SLC16A5: variants seen among roughly 807,000 people sequenced by gnomAD.
The protein encoded by SLC16A5 is monocarboxylate transporter 6.
Under a neutral mutation model 33.2 loss-of-function variants are expected in SLC16A5, and 29 were observed. The ratio of observed to expected loss-of-function variants is 0.87; its 90% CI spans 0.65 to 1.19. The LOEUF (loss-of-function observed/expected upper bound fraction) is 1.19. Ranked by LOEUF, SLC16A5 falls within the 50% of genes most tolerant of loss-of-function variation. SLC16A5 has a pLI of 0.00. For synonymous variants in SLC16A5, 248 were observed against 284.1 expected, an observed-to-expected ratio of 0.87 and a Z score of 1.28; for missense variants, 606 against 678.2, an observed-to-expected ratio of 0.89 and a Z score of 1.18.
At chr17:75,089,683 GGCAGAGATT>G (rs1057360126) in intron 2 of SLC16A5, among the ~76,000 whole-genome samples, 3 of 151,220 alleles carry the variant, frequency 2.0e-5, no homozygotes, top group African/African-American at 7.3e-5. Context: ...GAACCCGGGA[GGCAGAGATT>G]GCAGTGAGCT....
At chr17:75,093,550 G>T (rs1031187202) in intron 2 of SLC16A5, 39 bp from the exon 3 acceptor site, 5 of 1,545,304 alleles carry the variant, frequency 3.2e-6, no homozygotes, top group Admixed American at 1.9e-5. Context: ...GAGACGGACA[G>T]CCTGCTGACC....
Position 75,093,625 on chromosome 17 carries a change from C to T in SLC16A5, c.-12C>T, listed in dbSNP as rs371527963. On this transcript the variant is annotated 5_prime_UTR_variant, in exon 3 of 7. Coordinates refer to ENST00000329783, the MANE Select transcript of SLC16A5 (RefSeq NM_004695.4). ...ATTGGCAGTGAGGCCGTGGCAGCGT[C>T]GGCAGCAGAGGATGCCCCAGGCCCT... 2.9e-5 allele frequency: 47 copies of T among 1,604,558 alleles called. No individual in the cohort carries two copies. The highest frequency in any genetic ancestry group is 4.0e-5 in the African/African-American group (3 of 74,870).
intron 3 of SLC16A5, among the ~76,000 whole-genome samples, chr17:75,097,635 A>G (rs759764670): frequency 5.9e-5 from 9 of 152,070 alleles, no homozygotes; most frequent in Non-Finnish European, 1.3e-4. Context: ...ACTGTAGTCT[A>G]GATGTCCTGG....
intron 2 of SLC16A5, among the ~76,000 whole-genome samples, chr17:75,091,291 CT>C (rs1481053681): frequency 1.3e-5 from 2 of 152,234 alleles, no homozygotes; most frequent in East Asian, 3.8e-4. Context: ...CGCCTGTGGC[CT>C]TTCCGTTTGC....
At chr17:75,092,305 T>G (rs1414488861) in intron 2 of SLC16A5, among the ~76,000 whole-genome samples, 1 of 151,984 alleles carries the variant, frequency 6.6e-6, no homozygotes, top group Admixed American at 6.6e-5. Context: ...GTGTAGTATG[T>G]GTCTGTCAGT....
chr17:75,093,125 A>G lies in SLC16A5; in HGVS notation c.-48-464A>G, dbSNP rs1598146311. 1.3e-5 allele frequency among the ~76,000 whole-genome samples: 2 copies of G among 152,050 alleles called. 1 individual carries two copies. Among genetic ancestry groups the G allele is most frequent in the Admixed American group, 1.3e-4 (2 of 15,256 alleles). Reference sequence around the variant, plus strand: ...TTTGCTGCTTCTGAGGCATTGCGAAAGTCTGTGTTTGTATGCAGGAACCCT... The same window carrying G: ...TTTGCTGCTTCTGAGGCATTGCGAAGGTCTGTGTTTGTATGCAGGAACCCT... On this transcript the variant is annotated intron_variant, in intron 2 of 6. Coordinates refer to ENST00000329783, the MANE Select transcript of SLC16A5 (RefSeq NM_004695.4).
intron 2 of SLC16A5, among the ~76,000 whole-genome samples, chr17:75,092,538 G>A (rs1247911019): frequency 6.6e-6 from 1 of 152,030 alleles, no homozygotes; most frequent in Non-Finnish European, 1.5e-5. Context: ...CGTTGGCCAG[G>A]ATGGTCTCGA....
intron 6 of SLC16A5, chr17:75,105,233 C>T: frequency 1.0e-6 from 1 of 985,436 alleles, no homozygotes; most frequent in Non-Finnish European, 1.2e-6. Context: ...TCTGAGGGCC[C>T]CCCTGCAGTC....
intron 1 of SLC16A5, chr17:75,088,884 G>C (rs1382432148): frequency 6.6e-6 from 1 of 152,212 alleles, no homozygotes; most frequent in Non-Finnish European, 1.5e-5. Flanking sequence ...CAGATGAGGC[G>C]CCCTGAAAAC....
chr17:75,100,544 T>G lies in SLC16A5; in HGVS notation c.881T>G (p.Met294Arg), dbSNP rs762311764. 3 of 1,614,238 alleles carry G rather than the reference T, an allele frequency of 1.9e-6. No homozygotes were observed. Among genetic ancestry groups the G allele is most frequent in the Admixed American group, 1.7e-5 (1 of 60,022 alleles). ...TTCCTGAGGCCCCTAGCCGGGCTGA[T>G]GGCAGGACGGCCGGCCTTTGCTAGC... is the stretch of plus-strand genomic sequence containing the variant. ...NIFLRPLAGL[M>R]AGRPAFASHR... The change falls in exon 5 of 7, where the codon ATG becomes AGG. Residue 294 changes from methionine to arginine, a missense_variant. Transcript: ENST00000329783.
At chr17:75,104,312 G>T in intron 6 of SLC16A5, 132 bp downstream of exon 6, 1 of 1,477,152 alleles carries the variant, frequency 6.8e-7, no homozygotes, top group African/African-American at 1.4e-5. Flanking sequence ...GGGCTTGGGT[G>T]AAGAGTAGCC....
chr17:75,101,619 T>C (rs1033994408), intron 5 of SLC16A5, among the ~76,000 whole-genome samples: 1 of 137,188 alleles, frequency 7.3e-6, no homozygotes, highest in Non-Finnish European at 1.6e-5. Context: ...CAGTCCTCCA[T>C]CATCCTCCCT....
chr17:75,097,899 T>G (rs1598150575), intron 3 of SLC16A5, 139 bp from the exon 4 acceptor site: 12 of 926,742 alleles, frequency 1.3e-5, no homozygotes, highest in East Asian at 2.9e-5. Context: ...CCATGGCAGG[T>G]GGGTATCAGA....
chr17:75,107,965 G>A (rs530422877), downstream of SLC16A5, among the ~76,000 whole-genome samples: 40 of 152,164 alleles, frequency 2.6e-4, no homozygotes, highest in African/African-American at 9.1e-4. Context: ...TTAGCTGGGT[G>A]CAGTGGTGCG....
rs72844538 is a variant in SLC16A5, at chr17:75,099,828, G to T, written c.344-179G>T. 6.9e-3 allele frequency: 4,266 copies of T among 615,410 alleles called. 31 individuals are homozygous for T. Among genetic ancestry groups the T allele is most frequent in the Middle Eastern group, 0.013 (30 of 2,276 alleles). The allele number at this position is 615,410 out of a possible 1,614,324, so 38.1% of individuals were successfully genotyped here. A position where few individuals can be genotyped will look rare whatever the true frequency, so the allele number is the denominator to read the frequency against. ...CTTGGGAGGGCAGATCTGGGGTGGG[G>T]TGCCTACAGGGAGGTGGCGAGGCCA... On this transcript the variant is annotated intron_variant, in intron 4 of 6. Transcript: ENST00000329783.
At chr17:75,097,994 A>G (rs1476999454) in intron 3 of SLC16A5, 44 bp from the exon 4 acceptor site, 1 of 1,559,146 alleles carries the variant, frequency 6.4e-7, no homozygotes, top group Non-Finnish European at 8.6e-7. Context: ...CTCTCCCGCC[A>G]CCTCCTCATT....
chr17:75,104,441 C>T (rs1367231308), intron 6 of SLC16A5: 26 of 1,097,252 alleles, frequency 2.4e-5, no homozygotes, highest in African/African-American at 2.2e-4. Flanking sequence ...TTTTTTGAGG[C>T]GGAGTTTCAC....
intron 6 of SLC16A5, chr17:75,104,545 A>C: frequency 1.2e-6 from 1 of 851,402 alleles, no homozygotes; most frequent in Non-Finnish European, 1.5e-6. Flanking sequence ...TCTGCCCCCC[A>C]AGTTCAAGCG....
In SLC16A5 at chr17:75,094,231, C is replaced by G. The variant is rs1205549101; in HGVS notation, c.199+396C>G. On this transcript the variant is annotated intron_variant, in intron 3 of 6. Transcript: ENST00000329783. Reference sequence around the variant, plus strand: ...TTCCTCTGCAATCTGAGGGTGATGCCCGGCATCCTGCCCAGCTCCCACATG... The same window carrying G: ...TTCCTCTGCAATCTGAGGGTGATGCGCGGCATCCTGCCCAGCTCCCACATG... 2.0e-5 allele frequency among the ~76,000 whole-genome samples: 3 copies of G among 152,220 alleles called. No homozygotes were observed. In the East Asian group the frequency reaches 5.8e-4, roughly 29 times the overall value.
Sources: gnomAD v4.1 joint callset for allele counts (sites outside exome capture counted in the v4.1 genomes callset) on GRCh38, gnomAD v4.1.1 for gene constraint, MANE v1.5 for transcripts, NCBI Gene and HGNC (gene_info 2026-07-23, HGNC 2026-07-21) for gene names.